Variants in SLC9A2 observed in about 807,000 individuals in gnomAD.
The protein encoded by SLC9A2 is solute carrier family 9 member A2.
SLC9A2 carries 42 observed loss-of-function variants against 71.7 expected under a neutral mutation model. The observed-to-expected ratio is 0.59, with a 90% confidence interval of 0.46 to 0.76. The LOEUF (loss-of-function observed/expected upper bound fraction) is 0.76. SLC9A2 is among the 30% of genes least tolerant of loss of function. The pLI is 0.00. For missense variants in SLC9A2, 829 were observed against 1,017.4 expected, an observed-to-expected ratio of 0.81 and a Z score of 2.52; for synonymous variants, 396 against 392.5, an observed-to-expected ratio of 1.01 and a Z score of -0.10.
rs201154403 is a variant in SLC9A2, at chr2:102,672,433, CT to C, written c.1004+7087del. On this transcript the variant is annotated intron_variant, in intron 3 of 11. Coordinates refer to ENST00000233969, the MANE Select transcript of SLC9A2 (RefSeq NM_003048.6). Reference sequence around the variant, plus strand: ...AGACTTGGTGACATATGTTTTACTCCTTTTGATAAGGTAAAAAAAAATAAGT... The same window carrying C: ...AGACTTGGTGACATATGTTTTACTCCTTTGATAAGGTAAAAAAAAATAAGT... Among the ~76,000 whole-genome samples the C allele has an allele frequency of 7.6e-3, 1,158 of 151,888 alleles. 17 individuals carry two copies. Among genetic ancestry groups the C allele is most frequent in the African/African-American group, 0.026 (1,071 of 41,402 alleles).
At chr2:102,635,727 A>G (rs556407618) in intron 1 of SLC9A2, among the ~76,000 whole-genome samples, 3 of 152,292 alleles carry the variant, frequency 2.0e-5, no homozygotes, top group Non-Finnish European at 2.9e-5. Flanking sequence ...AAGAGTCTGT[A>G]TCTTATTTTG....
rs1573415621 is a variant in SLC9A2, at chr2:102,665,414, CA to C, written c.1004+66del. Reference sequence around the variant, plus strand: ...TTCATTGAATGCATGCATTCTCAGCCAAGATATTAAAGTTGAATAAGTTATA... The same window carrying C: ...TTCATTGAATGCATGCATTCTCAGCCAGATATTAAAGTTGAATAAGTTATA... On this transcript the variant is annotated intron_variant, in intron 3 of 11. Coordinates refer to ENST00000233969, the MANE Select transcript of SLC9A2 (RefSeq NM_003048.6). The C allele has an allele frequency of 3.4e-6, 5 of 1,463,770 alleles. No homozygotes were observed. In the East Asian group the frequency reaches 1.1e-4, roughly 33 times the overall value. 90.7% of individuals were successfully genotyped at this position (1,463,770 alleles called of 1,614,324 possible). A position where few individuals can be genotyped will look rare whatever the true frequency, so the allele number is the denominator to read the frequency against.
chr2:102,684,754 G>T lies in SLC9A2; in HGVS notation c.1425+418G>T, dbSNP rs7567604. Among the ~76,000 whole-genome samples the T allele has an allele frequency of 4.1e-3, 618 of 152,304 alleles. 4 individuals carry two copies. Among genetic ancestry groups the T allele is most frequent in the African/African-American group, 0.015 (603 of 41,562 alleles). On this transcript the variant is annotated intron_variant, in intron 5 of 11. Transcript: ENST00000233969. Reference sequence around the variant, plus strand: ...ATGGATGAATGCACGTTTAATATTGGGAGGCAGAAAATGTGGTGGACCTGT... The same window carrying T: ...ATGGATGAATGCACGTTTAATATTGTGAGGCAGAAAATGTGGTGGACCTGT...
At position 102,665,434 on chromosome 2, in the gene SLC9A2, A is replaced by C. The variant is rs1175313091; in HGVS notation, c.1004+84A>C. On this transcript the variant is annotated intron_variant, in intron 3 of 11. Coordinates refer to ENST00000233969, the MANE Select transcript of SLC9A2 (RefSeq NM_003048.6). ...TCAGCCAAGATATTAAAGTTGAATAAGTTATATGAAACACTAGGTTTTCTT... is the reference window on the plus strand; with the variant it reads ...TCAGCCAAGATATTAAAGTTGAATACGTTATATGAAACACTAGGTTTTCTT... 5.2e-6 allele frequency: 7 copies of C among 1,358,544 alleles called. No individual in the cohort carries two copies. In the Admixed American group the frequency reaches 1.3e-4, roughly 26 times the overall value. The allele number at this position is 1,358,544 out of a possible 1,614,324, so 84.2% of individuals were successfully genotyped here.
At position 102,710,681 on chromosome 2, in the gene SLC9A2, C is replaced by T. The variant is rs963658326; in HGVS notation, c.*2192C>T. On this transcript the variant is annotated 3_prime_UTR_variant, in exon 12 of 12. Coordinates refer to ENST00000233969, the MANE Select transcript of SLC9A2 (RefSeq NM_003048.6). ...ACTTTAGCTTTTTTTCTATACTTTC[C>T]TCTTTTTGTAATTCTTAAATTCTAG... The T allele has an allele frequency of 1.3e-5, 2 of 152,076 alleles. No homozygotes were observed. Among genetic ancestry groups the T allele is most frequent in the African/African-American group, 4.8e-5 (2 of 41,394 alleles). The allele number at this position is 152,076 out of a possible 1,614,324, so 9.4% of individuals were successfully genotyped here. A position where few individuals can be genotyped will look rare whatever the true frequency, so the allele number is the denominator to read the frequency against.
At chr2:102,629,560 T>G (rs955922767) in intron 1 of SLC9A2, among the ~76,000 whole-genome samples, 4 of 152,150 alleles carry the variant, frequency 2.6e-5, no homozygotes, top group Non-Finnish European at 5.9e-5. Context: ...GTAATTACAC[T>G]TATTGTGTAT....
At chr2:102,695,782 A>ATATATAT (rs1281325239) in intron 7 of SLC9A2, among the ~76,000 whole-genome samples, 9 of 20,682 alleles carry the variant, frequency 4.4e-4, no homozygotes, top group Non-Finnish European at 9.4e-4. Context: ...TATATATTAT[A>ATATATAT]TATATATTAT....
intron 1 of SLC9A2, among the ~76,000 whole-genome samples, chr2:102,634,308 A>G (rs1442605110): frequency 6.6e-6 from 1 of 152,180 alleles, no homozygotes; most frequent in Non-Finnish European, 1.5e-5. Context: ...ATATACTTTT[A>G]GTGGTAACTT....
chr2:102,688,076 C>A (rs1446681080), intron 5 of SLC9A2, among the ~76,000 whole-genome samples: 1 of 152,106 alleles, frequency 6.6e-6, no homozygotes, highest in African/African-American at 2.4e-5. Flanking sequence ...ACCACCATGC[C>A]CGGCCGTGGA....
At chr2:102,656,137 C>T (rs1460556357) in intron 1 of SLC9A2, among the ~76,000 whole-genome samples, 1 of 152,234 alleles carries the variant, frequency 6.6e-6, no homozygotes, top group Admixed American at 6.5e-5. Context: ...TGTTGTCTTG[C>T]AAATAAGTGC....
At chr2:102,655,564 G>T (rs1295811681) in intron 1 of SLC9A2, among the ~76,000 whole-genome samples, 1 of 152,172 alleles carries the variant, frequency 6.6e-6, no homozygotes, top group Non-Finnish European at 1.5e-5. Context: ...TCTACACAGG[G>T]TCAGGATCAT....
intron 1 of SLC9A2, among the ~76,000 whole-genome samples, chr2:102,653,048 T>G (rs1339129850): frequency 1.3e-5 from 2 of 152,254 alleles, no homozygotes; most frequent in Admixed American, 1.3e-4. Flanking sequence ...CTGATGAGTT[T>G]TACTTTGGTA....
chr2:102,696,694 A>T (rs1677775194), intron 7 of SLC9A2, among the ~76,000 whole-genome samples: 1 of 152,156 alleles, frequency 6.6e-6, no homozygotes. Flanking sequence ...CAAGCTTTAC[A>T]ACACTGTTTA....
intron 1 of SLC9A2, among the ~76,000 whole-genome samples, chr2:102,625,590 G>A (rs1553422728): frequency 2.0e-5 from 3 of 151,336 alleles, no homozygotes; most frequent in Admixed American, 6.6e-5. Context: ...TTGTTCTTGC[G>A]ATAGTTTGCT....
intron 11 of SLC9A2, among the ~76,000 whole-genome samples, chr2:102,706,824 T>C (rs1379997775): frequency 6.6e-6 from 1 of 152,256 alleles, no homozygotes; most frequent in Non-Finnish European, 1.5e-5. Flanking sequence ...AAAGCAGCCA[T>C]ATATTTATTC....
chr2:102,699,123 G>T (rs912883329), intron 7 of SLC9A2, among the ~76,000 whole-genome samples: 3 of 152,294 alleles, frequency 2.0e-5, no homozygotes, highest in Non-Finnish European at 2.9e-5. Flanking sequence ...GGGGACTGCT[G>T]GGGGAGGAAG....
At chr2:102,633,910 A>G (rs1168828612) in intron 1 of SLC9A2, among the ~76,000 whole-genome samples, 2 of 152,206 alleles carry the variant, frequency 1.3e-5, no homozygotes, top group Non-Finnish European at 2.9e-5. Flanking sequence ...TTGCACACAC[A>G]TACACACGTA....
intron 1 of SLC9A2, 43 bp from the exon 2 acceptor site, chr2:102,657,521 C>A: frequency 7.2e-7 from 1 of 1,382,000 alleles, no homozygotes; most frequent in Non-Finnish European, 9.9e-7. Flanking sequence ...CTCCCAAATT[C>A]CTCCATAACC....
intron 3 of SLC9A2, 119 bp from the exon 4 acceptor site, chr2:102,683,142 G>A (rs1176413308): frequency 4.2e-6 from 3 of 711,422 alleles, no homozygotes; most frequent in African/African-American, 1.8e-5. Flanking sequence ...AAAATCATTC[G>A]ATGATGTTGT....
Sources: allele counts gnomAD v4.1 joint callset (sites outside exome capture counted in the v4.1 genomes callset), GRCh38; gene constraint gnomAD v4.1.1; transcripts MANE v1.5; gene names NCBI Gene and HGNC (gene_info 2026-07-23, HGNC 2026-07-21).